PKD1: variants seen among roughly 807,000 people sequenced by gnomAD.
PKD1 encodes polycystin 1, transient receptor potential channel interacting, also known as polycystin-1.
PKD1 carries 81 observed loss-of-function variants against 361.7 expected under a neutral mutation model. The observed-to-expected ratio is 0.22, with a 90% CI of 0.19 to 0.27. PKD1 has a LOEUF of 0.27. Among genes scored for constraint, PKD1 ranks in the 10% least tolerant of loss-of-function variants. The probability of loss-of-function intolerance (pLI) is 1.00; values close to 1 mark genes in which losing one functional copy is unlikely to be tolerated. For missense variants in PKD1, 6,399 were observed against 6,118.3 expected, an observed-to-expected ratio of 1.05 and a Z score of -1.53; for synonymous variants, 3,615 against 2,818.3, an observed-to-expected ratio of 1.28 and a Z score of -8.95.
At chr16:2,092,406 CCAGA>C (rs1167053329) in intron 39 of PKD1, 70 bp downstream of exon 39, 3 of 1,125,262 alleles carry the variant, frequency 2.7e-6, no homozygotes, top group African/African-American at 3.0e-5. Flanking sequence ...AGGGCTGATG[CCAGA>C]GCTCCGCTAA....
In PKD1 at chr16:2,114,482, G is replaced by C. The variant is rs2092595990; in HGVS notation, c.2541C>G (p.Leu847=). Residue 847 remains leucine, a synonymous_variant, in exon 11 of 46, where the codon CTC becomes CTG. Coordinates refer to ENST00000262304, the MANE Select transcript of PKD1 (RefSeq NM_001009944.3). ...TGGCGTTGGCACCAGAGTCCACCTG[G>C]AGCACCAAGGCTGAGCCGTTGGTGG... ...YVPTNGSALV[L]QVDSGANATA... The C allele has an allele frequency of 1.3e-6, 2 of 1,596,810 alleles. No individual in the cohort carries two copies. Among genetic ancestry groups the C allele is most frequent in the Non-Finnish European group, 1.7e-6 (2 of 1,179,468 alleles).
rs1319719917 is a variant in PKD1, at chr16:2,106,727, C to T, written c.7210-50G>A. 1.3e-6 allele frequency: 2 copies of T among 1,528,902 alleles called. No homozygotes were observed. The highest frequency in any genetic ancestry group is 1.8e-6 in the Non-Finnish European group (2 of 1,127,366). The allele number at this position is 1,528,902 out of a possible 1,614,324, so 94.7% of individuals were successfully genotyped here. On this transcript the variant is annotated intron_variant, in intron 17 of 45. Coordinates refer to ENST00000262304, the MANE Select transcript of PKD1 (RefSeq NM_001009944.3). This position sits in a 1 kb window ranked among gnomAD's most constrained non-coding sequence, Gnocchi z 6.5. ...GGGCGCAACCCTCTGCCCTGTCAGC[C>T]CCACTTCTGCCTGCAGGCCCCGTCC... is the stretch of plus-strand genomic sequence containing the variant.
In PKD1 at chr16:2,110,058, C is replaced by G. The variant is rs377053369; in HGVS notation, c.5109G>C (p.Leu1703=). 2 of 1,610,124 alleles carry G rather than the reference C, an allele frequency of 1.2e-6. No homozygotes were observed. The highest frequency in any genetic ancestry group is 1.3e-5 in the African/African-American group (1 of 74,868). Residue 1703 remains leucine (L), a synonymous_variant, in exon 15 of 46, where the codon CTG becomes CTC. Coordinates refer to ENST00000262304, the MANE Select transcript of PKD1 (RefSeq NM_001009944.3). Reference sequence around the variant, plus strand: ...TGGTGCAGTCGGCCCAGGCGCTGCCCAGCATGTTGGTGGCCCGCAGCTGCA... The same window carrying G: ...TGGTGCAGTCGGCCCAGGCGCTGCCGAGCATGTTGGTGGCCCGCAGCTGCA... ...YHVQLRATNM[L]GSAWADCTMD... is the part of the protein sequence containing the mutation.
Position 2,109,574 on chromosome 16 carries a change from G to C in PKD1, c.5593C>G (p.Arg1865Gly). 1 of 1,611,624 alleles carries C rather than the reference G, an allele frequency of 6.2e-7. No individual in the cohort carries two copies. The highest frequency in any genetic ancestry group is 8.5e-7 in the Non-Finnish European group (1 of 1,179,516). Residue 1865 changes from arginine (R) to glycine (G), a missense_variant, in exon 15 of 46, where the codon CGG becomes GGG. Coordinates refer to ENST00000262304, the MANE Select transcript of PKD1 (RefSeq NM_001009944.3). ...VFPDAGTFSI[R>G]LNASNAVSWV... Reference sequence around the variant, plus strand: ...CTGACTGCGTTGGAGGCATTGAGCCGGATGGAGAAGGTGCCAGCATCCGGG... The same window carrying C: ...CTGACTGCGTTGGAGGCATTGAGCCCGATGGAGAAGGTGCCAGCATCCGGG...
rs241571 is a variant in PKD1, at chr16:2,109,966, G to T, written c.5201C>A (p.Thr1734Lys). ...AASPNPAAVN[T>K]SVTLSAELAG... ...CAGCTCGGCACTGAGGGTGACGCTTGTGTTGACGGCAGCTGGGTTCGGGGA... is the reference window on the plus strand; with the variant it reads ...CAGCTCGGCACTGAGGGTGACGCTTTTGTTGACGGCAGCTGGGTTCGGGGA... Residue 1734 changes from threonine to lysine, a missense_variant, in exon 15 of 46, where the codon ACA becomes AAA. Physicochemically the swap from Thr to Lys is moderately conservative, Grantham distance 78. Transcript: ENST00000262304. The T allele has an allele frequency of 8.1e-6, 13 of 1,610,086 alleles. No individual in the cohort carries two copies. Among genetic ancestry groups the T allele is most frequent in the Non-Finnish European group, 1.7e-6 (2 of 1,179,434 alleles).
At chr16:2,103,922 G>A in intron 22 of PKD1, 27 bp from the exon 23 acceptor site, 1 of 1,306,378 alleles carries the variant, frequency 7.7e-7, no homozygotes, top group Non-Finnish European at 1.0e-6. Flanking sequence ...GGTCAGTGCA[G>A]AGACAGGGAG....
intron 26 of PKD1, among the ~76,000 whole-genome samples, chr16:2,101,605 G>C (rs933145062): frequency 6.6e-6 from 1 of 152,330 alleles, no homozygotes; most frequent in East Asian, 1.9e-4. Flanking sequence ...GCAACAGAGT[G>C]AGACTCCGTC....
intron 24 of PKD1, 67 bp downstream of exon 24, chr16:2,102,747 A>G (rs1014958723): frequency 5.9e-5 from 95 of 1,603,796 alleles, no homozygotes; most frequent in Admixed American, 5.0e-4. Flanking sequence ...CCATGGGGCC[A>G]GTAACCCAGG....
Position 2,109,362 on chromosome 16 carries a change from A to G in PKD1, c.5805T>C (p.Arg1935=), listed in dbSNP as rs760298367. The G allele has an allele frequency of 1.3e-6, 2 of 1,591,928 alleles. No individual in the cohort carries two copies. Among genetic ancestry groups the G allele is most frequent in the Non-Finnish European group, 1.7e-6 (2 of 1,173,694 alleles). ...GANPEVLPGP[R]FSHSFPRVGD... is the part of the protein sequence containing the mutation. ...CGACGCGGGGGAAGCTGTGGGAGAA[A>G]CGGGGCCCGGGGAGCACCTCGGGGT... Residue 1935 remains arginine (R), a synonymous_variant, in exon 15 of 46, where the codon CGT becomes CGC. Transcript: ENST00000262304.
chr16:2,122,417 C>T (rs1437791338), intron 1 of PKD1, among the ~76,000 whole-genome samples: 3 of 152,216 alleles, frequency 2.0e-5, no homozygotes, highest in African/African-American at 7.2e-5. Flanking sequence ...CCACCACTTC[C>T]CCCCTAACTG....
At chr16:2,129,055 G>T (rs1460326512) in intron 1 of PKD1, among the ~76,000 whole-genome samples, 1 of 151,860 alleles carries the variant, frequency 6.6e-6, no homozygotes, top group Admixed American at 6.6e-5. Context: ...GTAGAACGGG[G>T]TTTCACCATG....
chr16:2,123,398 C>A, intron 1 of PKD1: 1 of 453,786 alleles, frequency 2.2e-6, no homozygotes, highest in South Asian at 1.6e-5. Context: ...AGCATCTGCC[C>A]TGGGCAGGAC....
In PKD1 at chr16:2,089,968, G is replaced by T. The variant is rs200685883; in HGVS notation, c.12671C>A (p.Thr4224Asn). The change falls in exon 46 of 46, where the codon ACC becomes AAC. Residue 4224 changes from threonine to asparagine, a missense_variant. Thr to Asn is a moderately conservative substitution (Grantham distance 65, BLOSUM62 0). Transcript: ENST00000262304. The part of the protein sequence containing the change: ...RLQAVFEALL[T>N]QFDRLNQATE... ...GGCCTGGTTGAGTCGGTCAAACTGG[G>T]TGAGCAGGGCCTCGAACACGGCTTG... 21 of 1,612,188 alleles carry T rather than the reference G, an allele frequency of 1.3e-5. No homozygotes were observed. The East Asian group carries it at 4.5e-4, about 34-fold the overall frequency.
rs1205190635 is a variant in PKD1 at position 2,090,300 on chromosome 16, G to A, written c.12429C>T (p.Leu4143=). The change falls in exon 45 of 46, where the codon CTC becomes CTT. Residue 4143 remains leucine (L), a synonymous_variant. Coordinates refer to ENST00000262304, the MANE Select transcript of PKD1 (RefSeq NM_001009944.3). ...FLRRLRLWMG[L]SKVKEFRHKV... is the part of the protein sequence containing the mutation. Reference sequence around the variant, plus strand: ...CCGTACCCACCTCCTTGACCTTGCTGAGGCCCATCCAGAGGCGCAGCCTGC... The same window carrying A: ...CCGTACCCACCTCCTTGACCTTGCTAAGGCCCATCCAGAGGCGCAGCCTGC... 24 of 1,610,528 alleles carry A rather than the reference G, an allele frequency of 1.5e-5. No individual in the cohort carries two copies. The highest frequency in any genetic ancestry group is 1.9e-5 in the Non-Finnish European group (22 of 1,178,460).
rs1567159204 is a variant in PKD1 at position 2,094,073 on chromosome 16, CG to C, written c.10618+18del. 1.9e-6 allele frequency: 3 copies of C among 1,586,574 alleles called. No homozygotes were observed. In the Admixed American group the frequency reaches 5.2e-5, roughly 28 times the overall value. ...TCACAGGGAGGGGCTAGGGGCATCC[CG>C]GGGCTACGCAAGCACACCTGTCCTG... On this transcript the variant is annotated intron_variant, in intron 35 of 45. Coordinates refer to ENST00000262304, the MANE Select transcript of PKD1 (RefSeq NM_001009944.3).
rs756580901 is a variant in PKD1 at position 2,102,195 on chromosome 16, T to C, written c.9263A>G (p.Tyr3088Cys). 6 of 1,507,666 alleles carry C rather than the reference T, an allele frequency of 4.0e-6. No homozygotes were observed. The highest frequency in any genetic ancestry group is 2.9e-5 in the African/African-American group (2 of 69,082). The allele number at this position is 1,507,666 out of a possible 1,614,324, so 93.4% of individuals were successfully genotyped here. A position where few individuals can be genotyped will look rare whatever the true frequency, so the allele number is the denominator to read the frequency against. ...MLTCAVCLVT[Y>C]MVMAAILHKL... is the part of the protein sequence containing the mutation. ...GTGCAGGATGGCGGCCATGACCATG[T>C]AGGTCACCAGGCACACAGCACATGT... is the stretch of plus-strand genomic sequence containing the variant. The change falls in exon 26 of 46, where the codon TAC becomes TGC. Residue 3088 changes from tyrosine to cysteine, a missense_variant. By Grantham distance (194) the Tyr-to-Cys change is radical. Coordinates refer to ENST00000262304, the MANE Select transcript of PKD1 (RefSeq NM_001009944.3).
At chr16:2,096,167 A>G (rs539775969) in intron 34 of PKD1, among the ~76,000 whole-genome samples, 22 of 152,352 alleles carry the variant, frequency 1.4e-4, no homozygotes, top group African/African-American at 4.8e-4. Flanking sequence ...TCATTAGGTA[A>G]TTCTGTTGCT....
Position 2,106,405 on chromosome 16 carries a change from T to C in PKD1, c.7482A>G (p.Glu2494=), listed in dbSNP as rs1268039959. ...ACGCAGGCCTGCACTCACCCGTGCA[T>C]TCGAAGTGCACCTTGGTGGTGAGGG... is the stretch of plus-strand genomic sequence containing the variant. ...VHALTTKVHF[E]CTGWHDAEDA... The change falls in exon 18 of 46, where the codon GAA becomes GAG. Residue 2494 remains glutamate, a synonymous_variant. Transcript: ENST00000262304. This position sits in a 1 kb window ranked among gnomAD's most constrained non-coding sequence, Gnocchi z 6.5. The C allele has an allele frequency of 6.3e-7, 1 of 1,589,718 alleles. No individual in the cohort carries two copies. Among genetic ancestry groups the C allele is most frequent in the Non-Finnish European group, 8.5e-7 (1 of 1,170,458 alleles).
Position 2,111,167 on chromosome 16 carries a change from A to C in PKD1, c.4000T>G (p.Ser1334Ala), listed in dbSNP as rs2092492821. 4 of 1,611,138 alleles carry C rather than the reference A, an allele frequency of 2.5e-6. No individual in the cohort carries two copies. The South Asian group carries it at 4.4e-5, about 18-fold the overall frequency. Residue 1334 changes from serine (S) to alanine (A), a missense_variant, in exon 15 of 46, where the codon TCC (serine) becomes GCC (alanine). Physicochemically the swap from Ser to Ala is moderately conservative, Grantham distance 99 (BLOSUM62 1). Coordinates refer to ENST00000262304, the MANE Select transcript of PKD1 (RefSeq NM_001009944.3). ...CACCCCCGCACGGTCGTGTTGGAGG[A>C]GCCATCCCCGAAGGTCCAGTCGAAG... ...YLFDWTFGDG[S>A]SNTTVRGCPT... is the part of the protein sequence containing the mutation.
Sources: gnomAD v4.1 joint callset for allele counts (sites outside exome capture counted in the v4.1 genomes callset) on GRCh38, gnomAD v4.1.1 for gene constraint, Gnocchi (gnomAD v3.1) non-coding constraint, MANE v1.5 for transcripts, NCBI Gene and HGNC (gene_info 2026-07-23, HGNC 2026-07-21) for gene names.